Variants in ANKS1A observed in about 807,000 individuals in gnomAD.
ANKS1A encodes the protein ankyrin repeat and sterile alpha motif domain containing 1A.
A neutral mutation model predicts 120.3 loss-of-function variants in ANKS1A; 55 were observed. The ratio of observed to expected loss-of-function variants is 0.46; its 90% CI spans 0.37 to 0.57. The LOEUF (loss-of-function observed/expected upper bound fraction) is 0.57. Ranked by LOEUF, ANKS1A falls within the 20% of genes least tolerant of loss-of-function variation. The probability of loss-of-function intolerance (pLI) is 0.00; values close to 1 mark genes in which losing one functional copy is unlikely to be tolerated. For synonymous variants in ANKS1A, 590 were observed against 604.7 expected (o/e 0.98, Z 0.36); for missense variants, 1,123 against 1,480.3 (o/e 0.76, Z 3.96).
At chr6:35,080,529 C>T (rs1220027074) in intron 16 of ANKS1A, among the ~76,000 whole-genome samples, 1 of 152,200 alleles carries the variant, frequency 6.6e-6, no homozygotes, top group African/African-American at 2.4e-5. Context: ...CCCTCAGGGG[C>T]TTCGTGAAGT....
At chr6:35,034,199 T>G (rs1050270990) in intron 11 of ANKS1A, among the ~76,000 whole-genome samples, 1 of 152,206 alleles carries the variant, frequency 6.6e-6, no homozygotes, top group African/African-American at 2.4e-5. Flanking sequence ...ATATGTGTGT[T>G]TGTTTCATTG....
At chr6:34,940,287 C>T (rs796670326) in intron 1 of ANKS1A, among the ~76,000 whole-genome samples, 9 of 152,092 alleles carry the variant, frequency 5.9e-5, no homozygotes, top group Non-Finnish European at 1.0e-4. Context: ...TTCACTGACC[C>T]GAAGATGGAA....
intron 13 of ANKS1A, among the ~76,000 whole-genome samples, chr6:35,068,594 C>G (rs1427481173): frequency 3.9e-5 from 6 of 152,234 alleles, no homozygotes; most frequent in African/African-American, 1.4e-4. Flanking sequence ...CAGGTTCTCC[C>G]CGCCACATAC....
chr6:34,965,650 C>A (rs1326573634), intron 1 of ANKS1A, among the ~76,000 whole-genome samples: 1 of 152,018 alleles, frequency 6.6e-6, no homozygotes, highest in Non-Finnish European at 1.5e-5. Context: ...CGTACCCGGC[C>A]AAAATTTTAT....
intron 10 of ANKS1A, among the ~76,000 whole-genome samples, chr6:35,000,137 T>C (rs1239958819): frequency 6.6e-6 from 1 of 151,924 alleles, no homozygotes. Flanking sequence ...GTAGTCAGTG[T>C]AAACAAGGGC....
chr6:34,901,790 C>T (rs995904492), intron 1 of ANKS1A, among the ~76,000 whole-genome samples: 5 of 152,156 alleles, frequency 3.3e-5, no homozygotes, highest in African/African-American at 1.2e-4. Flanking sequence ...GGATTACAGG[C>T]GTGAGCCATC....
rs1269427928 is a variant in ANKS1A at position 35,086,076 on chromosome 6, C to T, written c.3303+140C>T. 4 of 1,317,472 alleles carry T rather than the reference C, an allele frequency of 3.0e-6. No individual in the cohort carries two copies. The highest frequency in any genetic ancestry group is 4.0e-6 in the Non-Finnish European group (4 of 989,040). 81.6% of individuals were successfully genotyped at this position (1,317,472 alleles called of 1,614,324 possible). A position where few individuals can be genotyped will look rare whatever the true frequency, so the allele number is the denominator to read the frequency against. On this transcript the variant is annotated intron_variant, in intron 22 of 23. Coordinates refer to ENST00000360359, the MANE Select transcript of ANKS1A (RefSeq NM_015245.3). This position sits in a 1 kb window ranked among gnomAD's most constrained non-coding sequence, Gnocchi z 5.1. ...GGAAATGACCCTCTTAATTGTCCCC[C>T]AACCCTGCCAGGTCTCGCCCCTGGA...
rs546202640 is a variant in ANKS1A at position 35,086,715 on chromosome 6, G to C, written c.3304-237G>C. 1.3e-5 allele frequency among the ~76,000 whole-genome samples: 2 copies of C among 152,282 alleles called. No individual in the cohort carries two copies. Among genetic ancestry groups the C allele is most frequent in the East Asian group, 3.9e-4 (2 of 5,166 alleles). The stretch of plus-strand genomic sequence containing the variant: ...CGCCTAGGACAGGGGTCCTTTAACT[G>C]AGCAATCCCAAGAAATCCCGGAGAG... On this transcript the variant is annotated intron_variant, in intron 22 of 23. Transcript: ENST00000360359. This position sits in a 1 kb window ranked among gnomAD's most constrained non-coding sequence, Gnocchi z 5.1.
At chr6:34,932,685 GTTC>G (rs1161274466) in intron 1 of ANKS1A, among the ~76,000 whole-genome samples, 4 of 152,138 alleles carry the variant, frequency 2.6e-5, no homozygotes, top group African/African-American at 7.2e-5. Context: ...ATGCCCAGCA[GTTC>G]TTCTTTTTTA....
chr6:34,930,478 T>C (rs768479982), intron 1 of ANKS1A, among the ~76,000 whole-genome samples: 21 of 152,236 alleles, frequency 1.4e-4, no homozygotes, highest in Non-Finnish European at 2.1e-4. Context: ...GTGTGTGACC[T>C]GGGCAAGCTG....
intron 1 of ANKS1A, among the ~76,000 whole-genome samples, chr6:34,918,592 C>T (rs1431558863): frequency 6.6e-6 from 1 of 152,126 alleles, no homozygotes; most frequent in Non-Finnish European, 1.5e-5. Context: ...AAGAAGGCAG[C>T]AGAAGGTATC....
chr6:35,074,309 T>C (rs548163832), intron 13 of ANKS1A, among the ~76,000 whole-genome samples: 1 of 152,236 alleles, frequency 6.6e-6, no homozygotes, highest in Admixed American at 6.5e-5. Context: ...GTAGAAAGTC[T>C]GGGCCGGGGC....
intron 11 of ANKS1A, among the ~76,000 whole-genome samples, chr6:35,029,407 G>A (rs1774788306): frequency 7.0e-6 from 1 of 143,634 alleles, no homozygotes; most frequent in Non-Finnish European, 1.5e-5. Context: ...GGAGTGCAGT[G>A]GCACAAACTT....
In ANKS1A at chr6:35,037,590, G is replaced by T. The variant is rs75464588; in HGVS notation, c.2011-16509G>T. On this transcript the variant is annotated intron_variant, in intron 11 of 23. Coordinates refer to ENST00000360359, the MANE Select transcript of ANKS1A (RefSeq NM_015245.3). ...CTCAAATTTACTTTAGATCAAGGGA[G>T]CTGGGGTATTTATGTACCACTTCCA... Among the ~76,000 whole-genome samples the T allele has an allele frequency of 3.3e-3, 510 of 152,290 alleles. 23 individuals are homozygous for T. In the East Asian group the frequency reaches 0.089, roughly 27 times the overall value.
Position 35,017,930 on chromosome 6 carries a change from C to G in ANKS1A, c.1881C>G (p.Asp627Glu). ...TCAGCCGCAGCTTGTCCAAGTCTGA[C>G]TCTGATCTCCTGACCTGCTCACCCA... The part of the protein sequence containing the change: ...LKLSRSLSKS[D>E]SDLLTCSPTE... The change falls in exon 11 of 24, where the codon GAC (aspartate) becomes GAG (glutamate). Residue 627 changes from aspartate to glutamate, a missense_variant. Around this residue, in one of 3 missense-constraint regions of ANKS1A, gnomAD observed 904 missense variants for 1,130.4 expected, o/e 0.80. Transcript: ENST00000360359. The G allele has an allele frequency of 6.2e-7, 1 of 1,614,254 alleles. No homozygotes were observed. Among genetic ancestry groups the G allele is most frequent in the South Asian group, 1.1e-5 (1 of 91,084 alleles).
chr6:34,996,092 C>A (rs1190057459), intron 10 of ANKS1A, among the ~76,000 whole-genome samples: 1 of 152,126 alleles, frequency 6.6e-6, no homozygotes, highest in Non-Finnish European at 1.5e-5. Flanking sequence ...TATATATCAT[C>A]CCTAGCACTT....
intron 10 of ANKS1A, among the ~76,000 whole-genome samples, chr6:35,016,791 G>T (rs1347416587): frequency 6.0e-5 from 9 of 149,510 alleles, no homozygotes; most frequent in Admixed American, 5.3e-4. Flanking sequence ...AAGAGAGAGA[G>T]AAAGAAAAGT....
At chr6:35,010,540 C>A (rs1205993637) in intron 10 of ANKS1A, among the ~76,000 whole-genome samples, 3 of 152,136 alleles carry the variant, frequency 2.0e-5, no homozygotes, top group African/African-American at 7.2e-5. Context: ...TTACACCTTG[C>A]TACAAAGGAG....
rs1049878997 is a variant in ANKS1A, at chr6:35,090,681, G to A, written c.*2072G>A. The A allele has an allele frequency of 5.1e-6, 5 of 988,432 alleles. No homozygotes were observed. The highest frequency in any genetic ancestry group is 6.0e-6 in the Non-Finnish European group (5 of 832,022). The allele number at this position is 988,432 out of a possible 1,614,324, so 61.2% of individuals were successfully genotyped here. A position where few individuals can be genotyped will look rare whatever the true frequency, so the allele number is the denominator to read the frequency against. On this transcript the variant is annotated 3_prime_UTR_variant, in exon 24 of 24. Coordinates refer to ENST00000360359, the MANE Select transcript of ANKS1A (RefSeq NM_015245.3). ...TGGGTAGTCTCCCTTTCCTAGAAAG[G>A]TTATTATAACTTTAAGGACAGGCTT...
Sources: allele counts gnomAD v4.1 joint callset (sites outside exome capture counted in the v4.1 genomes callset), GRCh38; gene constraint gnomAD v4.1.1; regional missense constraint gnomAD v4.1.1; non-coding constraint Gnocchi (gnomAD v3.1); transcripts MANE v1.5; gene names NCBI Gene and HGNC (gene_info 2026-07-23, HGNC 2026-07-21).